The following TTLL6 variants were observed in gnomAD, a reference collection of about 807,000 sequenced individuals.
The protein encoded by TTLL6 is tubulin tyrosine ligase like 6.
TTLL6 carries 75 observed loss-of-function variants against 96.4 expected under a neutral mutation model. The ratio of observed to expected loss-of-function variants is 0.78; its 90% CI spans 0.65 to 0.94. The LOEUF is 0.94. Among genes scored for constraint, TTLL6 ranks in the 40% least tolerant of loss-of-function variants. The probability of loss-of-function intolerance (pLI) is 0.00; values close to 1 mark genes in which losing one functional copy is unlikely to be tolerated. For synonymous variants in TTLL6, 411 were observed against 419.4 expected (o/e 0.98, Z 0.24); for missense variants, 1,030 against 1,093.0 (o/e 0.94, Z 0.81).
chr17:48,782,389 A>G (rs576128283), intron 13 of TTLL6, among the ~76,000 whole-genome samples: 1 of 152,308 alleles, frequency 6.6e-6, no homozygotes, highest in Admixed American at 6.5e-5. Flanking sequence ...TCCTGACCTC[A>G]GGTGATCCTC....
intron 1 of TTLL6, chr17:48,812,064 A>ACCCCCCCCCCC (rs56757071): frequency 1.4e-3 from 104 of 76,126 alleles, no homozygotes; most frequent in Non-Finnish European, 1.6e-3. Context: ...TGATGCTGGG[A>ACCCCCCCCCCC]CCCCCCCCCC....
chr17:48,780,224 C>A (rs1012097607), intron 13 of TTLL6, among the ~76,000 whole-genome samples: 2 of 152,142 alleles, frequency 1.3e-5, no homozygotes, highest in African/African-American at 4.8e-5. Context: ...CGGCTCACTG[C>A]AACCTCTGCC....
intron 13 of TTLL6, among the ~76,000 whole-genome samples, chr17:48,772,116 T>C (rs2038759727): frequency 6.7e-6 from 1 of 150,306 alleles, no homozygotes; most frequent in South Asian, 2.1e-4. Flanking sequence ...CCACTAGATA[T>C]GCAAAAAAAG....
At chr17:48,794,823 G>A (rs1395408917) in intron 8 of TTLL6, among the ~76,000 whole-genome samples, 1 of 152,206 alleles carries the variant, frequency 6.6e-6, no homozygotes, top group African/African-American at 2.4e-5. Context: ...GTCCTTTGAA[G>A]CCTGGTGCAG....
chr17:48,767,166 G>T (rs1243412939), intron 15 of TTLL6, among the ~76,000 whole-genome samples: 1 of 152,166 alleles, frequency 6.6e-6, no homozygotes, highest in Non-Finnish European at 1.5e-5. Context: ...GCCTCCCAAA[G>T]TGCTGGGATT....
intron 13 of TTLL6, among the ~76,000 whole-genome samples, chr17:48,776,655 A>T (rs2038877939): frequency 6.6e-6 from 1 of 152,222 alleles, no homozygotes; most frequent in Non-Finnish European, 1.5e-5. Context: ...TGTTGAGGAA[A>T]TTAGAGAATA....
chr17:48,803,997 A>G, intron 2 of TTLL6, 69 bp from the exon 3 acceptor site: 1 of 1,513,992 alleles, frequency 6.6e-7, no homozygotes, highest in South Asian at 1.2e-5. Flanking sequence ...GACTGTATCC[A>G]GAAACATCCT....
Position 48,788,104 on chromosome 17 carries a change from C to G in TTLL6, c.1401-105G>C, listed in dbSNP as rs541159694. 2.2e-4 allele frequency: 215 copies of G among 999,586 alleles called. 1 individual carries two copies. Among genetic ancestry groups the G allele is most frequent in the Non-Finnish European group, 3.0e-4 (199 of 672,138 alleles). The allele number at this position is 999,586 out of a possible 1,614,324, so 61.9% of individuals were successfully genotyped here. ...CGTCTAGGGCCAGATGGAGGCCTTG[C>G]ACATAATGGCGGTCAATCAGGATTT... On this transcript the variant is annotated intron_variant, in intron 10 of 15. Transcript: ENST00000393382.
intron 9 of TTLL6, 54 bp from the exon 10 acceptor site, chr17:48,790,160 G>C: frequency 6.3e-7 from 1 of 1,586,270 alleles, no homozygotes; most frequent in East Asian, 2.2e-5. Flanking sequence ...TGAAAGCAGA[G>C]AGTGAGGCCG....
chr17:48,769,268 G>T lies in TTLL6; in HGVS notation c.2411-14C>A. The T allele has an allele frequency of 6.3e-7, 1 of 1,584,434 alleles. No homozygotes were observed. Among genetic ancestry groups the T allele is most frequent in the Non-Finnish European group, 8.6e-7 (1 of 1,162,956 alleles). On this transcript the variant is annotated splice_polypyrimidine_tract_variant and intron_variant, in intron 14 of 15. Transcript: ENST00000393382. Reference sequence around the variant, plus strand: ...GGGAGGGGTTTTCTGGAAAGGCAAAGTCAGAAGCATCAGCGATTTGTGCTG... The same window carrying T: ...GGGAGGGGTTTTCTGGAAAGGCAAATTCAGAAGCATCAGCGATTTGTGCTG...
intron 13 of TTLL6, among the ~76,000 whole-genome samples, chr17:48,776,659 G>T (rs1006086464): frequency 8.5e-5 from 13 of 152,264 alleles, no homozygotes; most frequent in African/African-American, 2.9e-4. Context: ...GAGGAAATTA[G>T]AGAATATCTA....
chr17:48,801,476 C>A lies in TTLL6; in HGVS notation c.480+49G>T, dbSNP rs1359362371. The A allele has an allele frequency of 3.2e-6, 5 of 1,551,008 alleles. No individual in the cohort carries two copies. In the East Asian group the frequency reaches 1.2e-4, roughly 38 times the overall value. On this transcript the variant is annotated intron_variant, in intron 4 of 15. Coordinates refer to ENST00000393382, the MANE Select transcript of TTLL6 (RefSeq NM_001130918.3). Reference sequence around the variant, plus strand: ...AGACAGGTGTAAAAATGGGGCCCCGCCGGGTAAGATGGCACACTTAAACCA... The same window carrying A: ...AGACAGGTGTAAAAATGGGGCCCCGACGGGTAAGATGGCACACTTAAACCA...
chr17:48,781,301 C>T (rs946563959), intron 13 of TTLL6, among the ~76,000 whole-genome samples: 3 of 152,118 alleles, frequency 2.0e-5, no homozygotes, highest in African/African-American at 4.8e-5. Context: ...TCTGCCTCAG[C>T]GTCCCAAAGT....
intron 8 of TTLL6, among the ~76,000 whole-genome samples, chr17:48,792,461 C>G (rs890953304): frequency 3.3e-5 from 5 of 152,014 alleles, no homozygotes; most frequent in Admixed American, 2.6e-4. Flanking sequence ...GGGGAGTGAA[C>G]AGCAGAAAGA....
intron 8 of TTLL6, chr17:48,794,319 T>C: frequency 6.2e-7 from 1 of 1,607,450 alleles, no homozygotes; most frequent in Non-Finnish European, 8.5e-7. Context: ...TCTGTGCCCT[T>C]AGACTAAGGA....
rs963393576 is a variant in TTLL6, at chr17:48,797,093, T to G, written c.880A>C (p.Thr294Pro). The G allele has an allele frequency of 2.6e-6, 4 of 1,550,888 alleles. No homozygotes were observed. In the African/African-American group the frequency reaches 5.5e-5, roughly 21 times the overall value. Residue 294 changes from threonine to proline, a missense_variant, in exon 7 of 16, where the codon ACC becomes CCC. Transcript: ENST00000393382. Reference protein sequence around the residue: ...YNEGLARFATTSYSRPCTDNL... With the variant: ...YNEGLARFATPSYSRPCTDNL... The stretch of plus-strand genomic sequence containing the variant: ...TCTGTGCAAGGGCGGGAGTAAGAGG[T>G]CGTCGCAAAGCGGGCCAGTCCTTCA...
At chr17:48,799,884 T>C (rs777538130) in intron 5 of TTLL6, 124 bp from the exon 6 acceptor site, 5 of 833,578 alleles carry the variant, frequency 6.0e-6, no homozygotes, top group Non-Finnish European at 9.2e-6. Context: ...CACTGACAGA[T>C]GCCCAGAGGT....
At chr17:48,813,252 T>C (rs77610821) in intron 1 of TTLL6, among the ~76,000 whole-genome samples, 1,583 of 152,286 alleles carry the variant, frequency 0.01, 30 homozygotes, top group South Asian at 0.097. Flanking sequence ...TTAGTGACTT[T>C]AGTCTCTTAA....
chr17:48,791,637 G>T (rs1486098514), intron 8 of TTLL6, 34 bp from the exon 9 acceptor site: 2 of 1,555,298 alleles, frequency 1.3e-6, no homozygotes, highest in Non-Finnish European at 1.8e-6. Flanking sequence ...AGGCAGTGTA[G>T]CTGGCTTCTG....
Sources: allele counts gnomAD v4.1 joint callset (sites outside exome capture counted in the v4.1 genomes callset), GRCh38; gene constraint gnomAD v4.1.1; transcripts MANE v1.5; gene names NCBI Gene and HGNC (gene_info 2026-07-23, HGNC 2026-07-21).